Variants in ZNF208 observed in about 807,000 individuals in gnomAD.
ZNF208 encodes the protein zinc finger protein 208.
Under a neutral mutation model 12.1 loss-of-function variants are expected in ZNF208, and 10 were observed. That is an observed-to-expected ratio of 0.83 (90% confidence interval 0.51 to 1.40). ZNF208 has a LOEUF of 1.40. ZNF208 is among the 40% of genes most tolerant of loss of function. The pLI is 0.00. For synonymous variants in ZNF208, 497 were observed against 488.4 expected (o/e 1.02, Z -0.23); for missense variants, 1,652 against 1,485.0 (o/e 1.11, Z -1.85).
chr19:21,993,141 TAA>T lies in ZNF208; in HGVS notation c.4-4234_4-4233del, dbSNP rs1417644987. Reference sequence around the variant, plus strand: ...TTCTGTCCTTTATAGCCGAAGAGATTAACAAAGAGTAGCTCCACAGAGATAAA... The same window carrying T: ...TTCTGTCCTTTATAGCCGAAGAGATTCAAAGAGTAGCTCCACAGAGATAAA... On this transcript the variant is annotated intron_variant, in intron 1 of 3. Coordinates refer to ENST00000397126, the MANE Select transcript of ZNF208 (RefSeq NM_007153.3). Among the ~76,000 whole-genome samples the T allele has an allele frequency of 4.6e-5, 7 of 152,040 alleles. No homozygotes were observed. The East Asian group carries it at 1.4e-3, about 29-fold the overall frequency.
intron 1 of ZNF208, 111 bp downstream of exon 1, chr19:22,010,681 G>T: frequency 6.5e-7 from 1 of 1,539,654 alleles, no homozygotes; most frequent in Non-Finnish European, 9.0e-7. Context: ...AGAACTCGGG[G>T]CACAGATGTG....
At chr19:21,957,751 A>G (rs1969998698) in intron 4 of ZNF208, among the ~76,000 whole-genome samples, 1 of 152,194 alleles carries the variant, frequency 6.6e-6, no homozygotes, top group Non-Finnish European at 1.5e-5. Flanking sequence ...ATGTTCAAAT[A>G]GTTAGGCCAA....
In ZNF208 at chr19:22,010,876, T is replaced by G; in HGVS notation, c.-82A>C. On this transcript the variant is annotated 5_prime_UTR_variant, in exon 1 of 4. Coordinates refer to ENST00000397126, the MANE Select transcript of ZNF208 (RefSeq NM_007153.3). ...GTCATAGGGCCACAGAGGCTGGGAC[T>G]CTAGGAGCAGAGGACACACAGCAGT... 6.3e-7 allele frequency: 1 copy of G among 1,597,106 alleles called. No homozygotes were observed.
intron 1 of ZNF208, 65 bp from the exon 2 acceptor site, chr19:21,988,974 G>A (rs1970676266): frequency 1.2e-5 from 20 of 1,600,134 alleles, no homozygotes; most frequent in Non-Finnish European, 1.7e-5. Flanking sequence ...TTGACTCAAG[G>A]TAAAATGCAG....
chr19:21,948,675 CAT>C lies in ZNF208; in HGVS notation c.306-15440_306-15439del, dbSNP rs567117039. Among the ~76,000 whole-genome samples the C allele has an allele frequency of 2.6e-3, 395 of 152,238 alleles. 1 individual carries two copies. Among genetic ancestry groups the C allele is most frequent in the African/African-American group, 8.7e-3 (363 of 41,544 alleles). On this transcript the variant is annotated intron_variant, in intron 4 of 4. Transcript: ENST00000599916. ...GGAAAGTTCTCTAATGACCCTGATA[CAT>C]ATATAGAGTCTTTCCAAAATTTAAC... is the stretch of plus-strand genomic sequence containing the variant.
chr19:22,008,310 A>AAAAAAAAG (rs1555750092), intron 1 of ZNF208, among the ~76,000 whole-genome samples: 1 of 151,584 alleles, frequency 6.6e-6, no homozygotes, highest in African/African-American at 2.4e-5. Flanking sequence ...CTCAAAAAAA[A>AAAAAAAAG]AAAAAAGAAA....
rs1252128589 is a variant in ZNF208, at chr19:21,967,825, A to G, written c.*3366T>C. The G allele has an allele frequency of 1.3e-5, 2 of 152,184 alleles. No individual in the cohort carries two copies. The highest frequency in any genetic ancestry group is 2.9e-5 in the Non-Finnish European group (2 of 68,036). The allele number at this position is 152,184 out of a possible 1,614,324, so 9.4% of individuals were successfully genotyped here. On this transcript the variant is annotated 3_prime_UTR_variant, in exon 4 of 4. Transcript: ENST00000397126. ...CTGATAAAAATAGCACTTAATCTGT[A>G]GGTTGCTTTAGGCAGAATGACCATT...
At chr19:21,993,885 T>C (rs1599628831) in intron 1 of ZNF208, among the ~76,000 whole-genome samples, 1 of 152,202 alleles carries the variant, frequency 6.6e-6, no homozygotes, top group African/African-American at 2.4e-5. Context: ...GAAAACAACA[T>C]GTGCACATGT....
intron 4 of ZNF208, among the ~76,000 whole-genome samples, chr19:21,945,152 G>A (rs57830491): frequency 0.052 from 7,910 of 152,170 alleles, 689 homozygotes; most frequent in African/African-American, 0.18. Context: ...TCCAGAACAT[G>A]CTTACTAATA....
chr19:21,950,937 C>T (rs192140046), intron 4 of ZNF208, among the ~76,000 whole-genome samples: 192 of 152,240 alleles, frequency 1.3e-3, no homozygotes, highest in African/African-American at 4.2e-3. Flanking sequence ...CTATAAAAAA[C>T]CTCTAATTAA....
intron 1 of ZNF208, among the ~76,000 whole-genome samples, chr19:21,991,998 A>G (rs1225868588): frequency 6.6e-6 from 1 of 152,184 alleles, no homozygotes; most frequent in Non-Finnish European, 1.5e-5. Context: ...TCAAATATCC[A>G]GTAATTGAAT....
intron 3 of ZNF208, among the ~76,000 whole-genome samples, chr19:21,982,485 T>G (rs1466793084): frequency 6.6e-6 from 1 of 152,070 alleles, no homozygotes; most frequent in Non-Finnish European, 1.5e-5. Context: ...TACCATTGAC[T>G]TTCTTCACAG....
intron 1 of ZNF208, among the ~76,000 whole-genome samples, chr19:21,990,581 T>G (rs1970714759): frequency 6.6e-6 from 1 of 152,144 alleles, no homozygotes; most frequent in Non-Finnish European, 1.5e-5. Context: ...TGCAGGCTCT[T>G]TTTTGGTTCC....
At chr19:21,958,834 C>G (rs1341144588) in intron 4 of ZNF208, among the ~76,000 whole-genome samples, 1 of 152,048 alleles carries the variant, frequency 6.6e-6, no homozygotes, top group Non-Finnish European at 1.5e-5. Context: ...TGAGAGGAGA[C>G]TGAGAGGGAT....
At chr19:21,980,987 A>T (rs774647039) in intron 3 of ZNF208, among the ~76,000 whole-genome samples, 11 of 152,220 alleles carry the variant, frequency 7.2e-5, no homozygotes, top group Non-Finnish European at 1.5e-4. Flanking sequence ...TCCTGGACAC[A>T]TACACCATCC....
At chr19:21,959,338 C>T (rs942798511) in intron 4 of ZNF208, among the ~76,000 whole-genome samples, 6 of 152,180 alleles carry the variant, frequency 3.9e-5, no homozygotes, top group African/African-American at 1.4e-4. Flanking sequence ...TTCTCTCTCA[C>T]TTTAGTCTCA....
chr19:21,943,622 C>G (rs1282960599), intron 4 of ZNF208, among the ~76,000 whole-genome samples: 1 of 152,050 alleles, frequency 6.6e-6, no homozygotes. Flanking sequence ...CAAACTGAAG[C>G]CTGACTAAGG....
In ZNF208 at chr19:21,971,527, G is replaced by C; in HGVS notation, c.3507C>G (p.Tyr1169Ter). Residue 1169 changes from tyrosine to a stop codon, truncating the protein, a stop_gained, in exon 4 of 4, where the codon TAC becomes TAG. Coordinates refer to ENST00000397126, the MANE Select transcript of ZNF208 (RefSeq NM_007153.3). LOFTEE classifies it low-confidence loss of function (END_TRUNC). ...HKKIHTVEKPYKCEECGKGFV... is the reference protein window; with the variant it reads ...HKKIHTVEKP ...AGCCTTTGCCACATTCTTCACATTT[G>C]TAGGGTTTCTCTACAGTATGAATTT... The C allele has an allele frequency of 6.2e-7, 1 of 1,610,898 alleles. No homozygotes were observed. Among genetic ancestry groups the C allele is most frequent in the Middle Eastern group, 1.7e-4 (1 of 6,056 alleles).
At chr19:21,961,664 T>C (rs1970073227), downstream of ZNF208, among the ~76,000 whole-genome samples, 1 of 152,078 alleles carries the variant, frequency 6.6e-6, no homozygotes, top group Non-Finnish European at 1.5e-5. Flanking sequence ...CGGCTGTTTA[T>C]AGACCTCCCC....
Sources: allele counts gnomAD v4.1 joint callset (sites outside exome capture counted in the v4.1 genomes callset), GRCh38; gene constraint gnomAD v4.1.1; transcripts MANE v1.5; gene names NCBI Gene and HGNC (gene_info 2026-07-23, HGNC 2026-07-21).